Variants in CADM2 observed in about 807,000 individuals in gnomAD.
The protein encoded by CADM2 is cell adhesion molecule 2, also known as immunoglobulin superfamily member 4D.
A neutral mutation model predicts 49.8 loss-of-function variants in CADM2; 12 were observed. The ratio of observed to expected loss-of-function variants is 0.24; its 90% CI spans 0.15 to 0.39. The LOEUF is 0.39. Ranked by LOEUF, CADM2 falls within the 10% of genes least tolerant of loss-of-function variation. The pLI is 1.00. For synonymous variants in CADM2, 214 were observed against 175.4 expected, an observed-to-expected ratio of 1.22 and a Z score of -1.74; for missense variants, 378 against 492.3, an observed-to-expected ratio of 0.77 and a Z score of 2.20.
chr3:85,814,406 C>T (rs2073077822), intron 3 of CADM2, among the ~76,000 whole-genome samples: 1 of 151,672 alleles, frequency 6.6e-6, no homozygotes, highest in Non-Finnish European at 1.5e-5. Context: ...TAAATGCCCA[C>T]AAGAGAAAGC....
intron 1 of CADM2, among the ~76,000 whole-genome samples, chr3:85,331,465 G>T (rs1019695417): frequency 6.6e-6 from 1 of 151,446 alleles, no homozygotes; most frequent in African/African-American, 2.4e-5. Context: ...GTTTTCTCAT[G>T]ACTCTATTTT....
intron 1 of CADM2, among the ~76,000 whole-genome samples, chr3:85,043,427 C>A (rs1406473190): frequency 6.6e-6 from 1 of 151,950 alleles, no homozygotes; most frequent in African/African-American, 2.4e-5. Context: ...TGCCTGTAAT[C>A]TAAGCTCTTT....
At chr3:85,049,908 A>G (rs148506301) in intron 1 of CADM2, among the ~76,000 whole-genome samples, 1 of 152,244 alleles carries the variant, frequency 6.6e-6, no homozygotes, top group East Asian at 1.9e-4. Context: ...TCAGGCTGCT[A>G]CATTTAATAG....
intron 5 of CADM2, among the ~76,000 whole-genome samples, chr3:85,892,351 T>A (rs1391831636): frequency 6.6e-6 from 1 of 152,184 alleles, no homozygotes; most frequent in Non-Finnish European, 1.5e-5. Context: ...TAGGAGAAAT[T>A]AATTCACACA....
intron 1 of CADM2, among the ~76,000 whole-genome samples, chr3:85,307,821 T>G (rs2044249393): frequency 6.6e-6 from 1 of 151,632 alleles, no homozygotes; most frequent in African/African-American, 2.4e-5. Context: ...AAATTTAAGA[T>G]ACAAATATAT....
At chr3:85,652,772 C>CTTTTCTTTTT (rs1553655456) in intron 1 of CADM2, among the ~76,000 whole-genome samples, 15 of 50,786 alleles carry the variant, frequency 3.0e-4, no homozygotes, top group African/African-American at 1.1e-3. Context: ...TTTTTCTTTT[C>CTTTTCTTTTT]TTTTTTTTTT....
chr3:85,318,171 G>GA (rs200046309), intron 1 of CADM2, among the ~76,000 whole-genome samples: 29,986 of 117,972 alleles, frequency 0.25, 4,935 homozygotes, highest in African/African-American at 0.51. Flanking sequence ...CCCTGTCTCA[G>GA]AAAAAAAAAA....
intron 1 of CADM2, among the ~76,000 whole-genome samples, chr3:85,024,759 G>T (rs1362802736): frequency 1.3e-5 from 2 of 151,612 alleles, no homozygotes; most frequent in Non-Finnish European, 2.9e-5. Flanking sequence ...AAGTAAAGCA[G>T]CTGTGTAAAG....
At chr3:85,318,325 G>A (rs538916960) in intron 1 of CADM2, among the ~76,000 whole-genome samples, 77 of 152,226 alleles carry the variant, frequency 5.1e-4, no homozygotes, top group African/African-American at 1.7e-3. Flanking sequence ...TCTGGAAAAG[G>A]AGGAAAGATT....
chr3:85,764,336 T>C (rs2069547594), intron 2 of CADM2, among the ~76,000 whole-genome samples: 1 of 152,052 alleles, frequency 6.6e-6, no homozygotes, highest in Non-Finnish European at 1.5e-5. Context: ...TTAAAAAGAA[T>C]TATCAATTAT....
chr3:85,248,314 G>A (rs954588851), intron 1 of CADM2, among the ~76,000 whole-genome samples: 31 of 151,430 alleles, frequency 2.0e-4, no homozygotes, highest in Admixed American at 5.3e-4. Context: ...TCGCTCGGTC[G>A]CCCAAGCTGG....
rs1403137099 is a variant in CADM2 at position 86,070,443 on chromosome 3, T to G, written c.*3660T>G. ...ACATTTCAAATGCCTTTTGTTTTTC[T>G]TTGGACATCAAGGTAATTTAGTGGA... is the stretch of plus-strand genomic sequence containing the variant. On this transcript the variant is annotated 3_prime_UTR_variant, in exon 10 of 10. Coordinates refer to ENST00000383699, the MANE Select transcript of CADM2 (RefSeq NM_001167675.2). The G allele has an allele frequency of 1.3e-5, 2 of 151,954 alleles. No individual in the cohort carries two copies. Among genetic ancestry groups the G allele is most frequent in the African/African-American group, 2.4e-5 (1 of 41,434 alleles). The allele number at this position is 151,954 out of a possible 1,614,324, so 9.4% of individuals were successfully genotyped here. A position where few individuals can be genotyped will look rare whatever the true frequency, so the allele number is the denominator to read the frequency against.
chr3:85,049,426 C>A (rs1390750505), intron 1 of CADM2, among the ~76,000 whole-genome samples: 2 of 151,840 alleles, frequency 1.3e-5, no homozygotes, highest in Non-Finnish European at 2.9e-5. Context: ...TCTCAGCTCA[C>A]TGCAAGCTCC....
intron 1 of CADM2, among the ~76,000 whole-genome samples, chr3:85,168,885 A>T (rs2040543404): frequency 1.3e-5 from 2 of 152,148 alleles, no homozygotes; most frequent in Non-Finnish European, 2.9e-5. Flanking sequence ...TTTAATATAT[A>T]TTTGAATAGT....
intron 1 of CADM2, among the ~76,000 whole-genome samples, chr3:85,053,674 G>A (rs2035969733): frequency 1.3e-5 from 2 of 151,984 alleles, no homozygotes; most frequent in Admixed American, 1.3e-4. Flanking sequence ...AGTTCTTGGA[G>A]GGGATTAAGT....
At chr3:85,886,371 C>T in intron 5 of CADM2, 44 bp downstream of exon 5, 1 of 1,433,720 alleles carries the variant, frequency 7.0e-7, no homozygotes, top group Non-Finnish European at 9.8e-7. Context: ...GTGCTGAAAC[C>T]AGTATGACAT....
At chr3:85,140,433 C>T (rs961400960) in intron 1 of CADM2, among the ~76,000 whole-genome samples, 1 of 152,068 alleles carries the variant, frequency 6.6e-6, no homozygotes, top group South Asian at 2.1e-4. Flanking sequence ...GTAAATAACT[C>T]GTATGACTTG....
intron 1 of CADM2, among the ~76,000 whole-genome samples, chr3:85,281,866 C>A (rs1297154294): frequency 6.6e-6 from 1 of 151,954 alleles, no homozygotes. Flanking sequence ...GACTGTGAAA[C>A]TAAGGAAAGG....
intron 1 of CADM2, among the ~76,000 whole-genome samples, chr3:85,468,345 A>T (rs1416368160): frequency 1.3e-5 from 2 of 151,724 alleles, no homozygotes; most frequent in African/African-American, 4.8e-5. Context: ...CCCCAGTCTG[A>T]GTTAGTGTGG....
Sources: gnomAD v4.1 joint callset for allele counts (sites outside exome capture counted in the v4.1 genomes callset) on GRCh38, gnomAD v4.1.1 for gene constraint, MANE v1.5 for transcripts, NCBI Gene and HGNC (gene_info 2026-07-23, HGNC 2026-07-21) for gene names.